Variants in XPR1 observed in about 807,000 individuals in gnomAD.
The protein encoded by XPR1 is xenotropic and polytropic retrovirus receptor 1, also known as solute carrier family 53 member 1.
Under a neutral mutation model 87.5 loss-of-function variants are expected in XPR1, and 28 were observed. The observed-to-expected ratio is 0.32, with a 90% CI of 0.24 to 0.44. The LOEUF is 0.44. Ranked by LOEUF, XPR1 falls within the 20% of genes least tolerant of loss-of-function variation. The probability of loss-of-function intolerance (pLI) is 1.00; values close to 1 mark genes in which losing one functional copy is unlikely to be tolerated. For synonymous variants in XPR1, 300 were observed against 306.1 expected (o/e 0.98, Z 0.21); for missense variants, 559 against 862.3 (o/e 0.65, Z 4.41).
intron 2 of XPR1, among the ~76,000 whole-genome samples, chr1:180,685,360 T>G (rs1656728667): frequency 6.6e-6 from 1 of 152,194 alleles, no homozygotes; most frequent in African/African-American, 2.4e-5. Flanking sequence ...TGGATAAGCT[T>G]TTTGATGTGC....
intron 2 of XPR1, among the ~76,000 whole-genome samples, chr1:180,688,346 C>G (rs1158562611): frequency 6.6e-6 from 1 of 151,882 alleles, no homozygotes; most frequent in Non-Finnish European, 1.5e-5. Context: ...ACCTTGGCCT[C>G]CCAAAGTGCT....
intron 11 of XPR1, among the ~76,000 whole-genome samples, chr1:180,860,818 A>T (rs932419744): frequency 6.6e-5 from 10 of 151,842 alleles, no homozygotes; most frequent in Non-Finnish European, 1.2e-4. Flanking sequence ...AAAAAAAAAG[A>T]AATAACATGG....
At chr1:180,661,025 C>T (rs1273422274) in intron 1 of XPR1, among the ~76,000 whole-genome samples, 1 of 152,112 alleles carries the variant, frequency 6.6e-6, no homozygotes, top group African/African-American at 2.4e-5. Flanking sequence ...TATCTGGGTG[C>T]TCCAGTGTTT....
intron 7 of XPR1, among the ~76,000 whole-genome samples, chr1:180,820,443 A>G (rs1475899741): frequency 6.6e-6 from 1 of 152,226 alleles, no homozygotes; most frequent in Admixed American, 6.5e-5. Context: ...ATGTTGTAGC[A>G]TGTATCAGTA....
chr1:180,825,788 C>T (rs1411607524), intron 9 of XPR1, among the ~76,000 whole-genome samples: 5 of 152,288 alleles, frequency 3.3e-5, no homozygotes, highest in East Asian at 1.9e-4. Context: ...CGGTGGCTCA[C>T]GCCTGTAATC....
intron 1 of XPR1, among the ~76,000 whole-genome samples, chr1:180,646,887 T>G (rs67189426): frequency 0.18 from 27,241 of 152,066 alleles, 3,614 homozygotes; most frequent in African/African-American, 0.38. Context: ...CAATCCTCTT[T>G]CTACTATAAA....
At chr1:180,722,797 A>C (rs1177820281) in intron 2 of XPR1, among the ~76,000 whole-genome samples, 1 of 152,150 alleles carries the variant, frequency 6.6e-6, no homozygotes. Flanking sequence ...TGGGAAGAGC[A>C]TGATTATTTA....
chr1:180,820,778 T>A (rs1167286675), intron 7 of XPR1, among the ~76,000 whole-genome samples: 1 of 152,216 alleles, frequency 6.6e-6, no homozygotes, highest in Non-Finnish European at 1.5e-5. Flanking sequence ...CGTGAAGTGG[T>A]ATCTCATTGT....
Position 180,806,515 on chromosome 1 carries a change from G to A in XPR1, c.639G>A (p.Lys213=). The change falls in exon 6 of 15, where the codon AAG becomes AAA. Residue 213 remains lysine, a synonymous_variant. Coordinates refer to ENST00000367590, the MANE Select transcript of XPR1 (RefSeq NM_004736.4). The part of the protein sequence containing the change: ...TNELEDGDRQ[K]AMKRLRVPPL... ...AACTTGAAGATGGTGACAGACAAAA[G>A]GCTATGAAGCGTTTACGTGTCCCCC... is the stretch of plus-strand genomic sequence containing the variant. The A allele has an allele frequency of 6.2e-7, 1 of 1,613,262 alleles. No individual in the cohort carries two copies.
At chr1:180,746,585 G>T (rs548143713) in intron 2 of XPR1, among the ~76,000 whole-genome samples, 13 of 151,302 alleles carry the variant, frequency 8.6e-5, no homozygotes, top group African/African-American at 1.2e-4. Flanking sequence ...TTGTATAGGG[G>T]TTTTTTTTTG....
intron 1 of XPR1, among the ~76,000 whole-genome samples, chr1:180,648,449 T>C (rs1437104466): frequency 3.0e-4 from 45 of 152,232 alleles, no homozygotes; most frequent in South Asian, 2.1e-4. Context: ...AATGCAAATA[T>C]GTGGACCCCA....
rs1197596978 is a variant in XPR1, at chr1:180,888,896, C to T, written c.*4830C>T. 1 of 152,204 alleles carries T rather than the reference C, an allele frequency of 6.6e-6. No individual in the cohort carries two copies. The highest frequency in any genetic ancestry group is 2.4e-5 in the African/African-American group (1 of 41,440). The allele number at this position is 152,204 out of a possible 1,614,324, so 9.4% of individuals were successfully genotyped here. On this transcript the variant is annotated 3_prime_UTR_variant, in exon 15 of 15. Transcript: ENST00000367590. ...AAACCAATGATCTAACCAGCATACT[C>T]TCCAAATATGAAAAAGTAAAAACAT...
rs1650000868 is a variant in XPR1 at position 180,806,572 on chromosome 1, C to G, written c.681+15C>G. 1.2e-6 allele frequency: 2 copies of G among 1,603,272 alleles called. No individual in the cohort carries two copies. The highest frequency in any genetic ancestry group is 1.7e-6 in the Non-Finnish European group (2 of 1,172,354). On this transcript the variant is annotated intron_variant, in intron 6 of 14. Transcript: ENST00000367590. ...GAGCTGCTCAGGTTAGTATTTGGTT[C>G]CAGTAGTTTGTTTGGTTTCACCTAT... is the stretch of plus-strand genomic sequence containing the variant.
chr1:180,865,560 C>G (rs1652361341), intron 12 of XPR1, among the ~76,000 whole-genome samples: 1 of 152,100 alleles, frequency 6.6e-6, no homozygotes, highest in African/African-American at 2.4e-5. Context: ...GCCACCACGT[C>G]CGGTTAATTT....
intron 1 of XPR1, among the ~76,000 whole-genome samples, chr1:180,679,608 T>A (rs982954010): frequency 2.6e-5 from 4 of 152,204 alleles, no homozygotes; most frequent in Non-Finnish European, 4.4e-5. Context: ...CAGAGAACTA[T>A]TTCTCATTCT....
At chr1:180,706,092 G>A (rs1038523200) in intron 2 of XPR1, among the ~76,000 whole-genome samples, 1 of 152,184 alleles carries the variant, frequency 6.6e-6, no homozygotes, top group African/African-American at 2.4e-5. Flanking sequence ...TATCACTGGA[G>A]AATAGTTAGC....
chr1:180,735,177 C>A (rs1658689695), intron 2 of XPR1, among the ~76,000 whole-genome samples: 1 of 152,090 alleles, frequency 6.6e-6, no homozygotes. Flanking sequence ...TTTAATAGTC[C>A]AAGTCTATTT....
intron 11 of XPR1, among the ~76,000 whole-genome samples, chr1:180,844,142 C>T (rs1260372299): frequency 1.3e-5 from 2 of 151,930 alleles, no homozygotes; most frequent in South Asian, 2.1e-4. Context: ...ACCTGGGAGG[C>T]GGAGGTTGCA....
chr1:180,881,166 A>G (rs1404955875), intron 14 of XPR1, among the ~76,000 whole-genome samples: 1 of 151,958 alleles, frequency 6.6e-6, no homozygotes, highest in Non-Finnish European at 1.5e-5. Flanking sequence ...TGAGTCACAG[A>G]TAATTTTTTT....
Sources: gnomAD v4.1 joint callset for allele counts (sites outside exome capture counted in the v4.1 genomes callset) on GRCh38, gnomAD v4.1.1 for gene constraint, MANE v1.5 for transcripts, NCBI Gene and HGNC (gene_info 2026-07-23, HGNC 2026-07-21) for gene names.